Variants in RPEL1 observed in about 807,000 individuals in gnomAD.
The protein encoded by RPEL1 is ribulose-phosphate 3-epimerase-like protein 1.
A neutral mutation model predicts 12.8 loss-of-function variants in RPEL1; 7 were observed. That is an observed-to-expected ratio of 0.55 (90% CI 0.31 to 1.03). The LOEUF (loss-of-function observed/expected upper bound fraction) is 1.03, where lower values mean the gene tolerates loss of function less well. Among genes scored for constraint, RPEL1 ranks in the 50% least tolerant of loss-of-function variants. RPEL1 has a pLI of 0.05. For missense variants in RPEL1, 237 were observed against 289.4 expected (o/e 0.82, Z 1.31); for synonymous variants, 91 against 102.0 (o/e 0.89, Z 0.65).
rs901769851 is a variant in RPEL1 at position 103,247,539 on chromosome 10, T to A, written c.*856T>A. 6.0e-6 allele frequency: 1 copy of A among 167,050 alleles called. No homozygotes were observed. Among genetic ancestry groups the A allele is most frequent in the Non-Finnish European group, 1.5e-5 (1 of 68,116 alleles). 10.3% of individuals were successfully genotyped at this position (167,050 alleles called of 1,614,324 possible). A position where few individuals can be genotyped will look rare whatever the true frequency, so the allele number is the denominator to read the frequency against. ...GAGAATTAAGAGGTAACACTATATA[T>A]GTAAAGTTTCTAGTACTAGTCCCAG... is the stretch of plus-strand genomic sequence containing the variant. On this transcript the variant is annotated 3_prime_UTR_variant, in exon 1 of 1. Coordinates refer to ENST00000441178, the MANE Select transcript of RPEL1 (RefSeq NM_001143909.1).
rs1183885587 is a variant in RPEL1, at chr10:103,246,323, G to T, written c.327G>T (p.Arg109=). The change falls in exon 1 of 1, where the codon CGG becomes CGT. Residue 109 remains arginine (R), a synonymous_variant. Transcript: ENST00000441178. ...ENPGTLIKDI[R]ENGMKVGLAI... ...CAGGGACTTTGATTAAAGACATTCG[G>T]GAGAATGGGATGAAGGTTGGCCTTG... is the stretch of plus-strand genomic sequence containing the variant. 1 of 1,614,176 alleles carries T rather than the reference G, an allele frequency of 6.2e-7. No individual in the cohort carries two copies.
Position 103,246,074 on chromosome 10 carries a change from G to A in RPEL1, c.78G>A (p.Met26Ile), listed in dbSNP as rs2093007496. The change falls in exon 1 of 1, where the codon ATG becomes ATA. Residue 26 changes from methionine to isoleucine, a missense_variant. Met to Ile is a conservative substitution (Grantham distance 10). Coordinates refer to ENST00000441178, the MANE Select transcript of RPEL1 (RefSeq NM_001143909.1). The part of the protein sequence containing the change: ...LANLGAKCLQ[M>I]LDSGADYLHL... ...ATTTAGGGGCCAAGTGCCTCCAGAT[G>A]CTAGACTCTGGGGCCGATTATCTGC... 1 of 1,614,232 alleles carries A rather than the reference G, an allele frequency of 6.2e-7. No homozygotes were observed. The highest frequency in any genetic ancestry group is 8.5e-7 in the Non-Finnish European group (1 of 1,180,038).
At position 103,247,237 on chromosome 10, in the gene RPEL1, G is replaced by C. The variant is rs190262635; in HGVS notation, c.*554G>C. On this transcript the variant is annotated 3_prime_UTR_variant, in exon 1 of 1. Coordinates refer to ENST00000441178, the MANE Select transcript of RPEL1 (RefSeq NM_001143909.1). ...TATAAAAACAATGCGTGAAACCCAGGGGTTCTAAAATACAAGCATAGATTT... is the reference window on the plus strand; with the variant it reads ...TATAAAAACAATGCGTGAAACCCAGCGGTTCTAAAATACAAGCATAGATTT... 5.9e-6 allele frequency: 1 copy of C among 169,882 alleles called. No individual in the cohort carries two copies. The highest frequency in any genetic ancestry group is 1.4e-5 in the Non-Finnish European group (1 of 70,142). 10.5% of individuals were successfully genotyped at this position (169,882 alleles called of 1,614,324 possible). A position where few individuals can be genotyped will look rare whatever the true frequency, so the allele number is the denominator to read the frequency against.
rs551888671 is a variant in RPEL1 at position 103,245,993 on chromosome 10, C to T, written c.-4C>T. On this transcript the variant is annotated 5_prime_UTR_variant, in exon 1 of 1. Coordinates refer to ENST00000441178, the MANE Select transcript of RPEL1 (RefSeq NM_001143909.1). ...GGGGTAACTTGTTCTTGGGAGCCAGCGGTATGGCGTCGGGCTGCAAGATTG... is the reference window on the plus strand; with the variant it reads ...GGGGTAACTTGTTCTTGGGAGCCAGTGGTATGGCGTCGGGCTGCAAGATTG... The T allele has an allele frequency of 1.1e-4, 184 of 1,612,560 alleles. No individual in the cohort carries two copies. In the East Asian group the frequency reaches 2.5e-3, roughly 22 times the overall value.
Position 103,246,500 on chromosome 10 carries a change from A to G in RPEL1, c.504A>G (p.Pro168=), listed in dbSNP as rs2093008484. 4 of 1,614,106 alleles carry G rather than the reference A, an allele frequency of 2.5e-6. No individual in the cohort carries two copies. The highest frequency in any genetic ancestry group is 1.3e-5 in the African/African-American group (1 of 74,946). ...TTCACTGGTTGAGGACCCAGTTCCC[A>G]TCTTTGGATATAGAGGGCGATGGTG... ...PKVHWLRTQF[P]SLDIEGDGGV... The change falls in exon 1 of 1, where the codon CCA becomes CCG. Residue 168 remains proline (P), a synonymous_variant. Coordinates refer to ENST00000441178, the MANE Select transcript of RPEL1 (RefSeq NM_001143909.1).
Position 103,247,196 on chromosome 10 carries a change from C to T in RPEL1, c.*513C>T, listed in dbSNP as rs1222182766. On this transcript the variant is annotated 3_prime_UTR_variant, in exon 1 of 1. Coordinates refer to ENST00000441178, the MANE Select transcript of RPEL1 (RefSeq NM_001143909.1). ...AAAATCTATCACTTTTCACCTTACA[C>T]TTAATGTGTAAAAACTATAAAAACA... is the stretch of plus-strand genomic sequence containing the variant. The T allele has an allele frequency of 1.1e-5, 2 of 174,130 alleles. No homozygotes were observed. Among genetic ancestry groups the T allele is most frequent in the Non-Finnish European group, 1.4e-5 (1 of 72,574 alleles). 10.8% of individuals were successfully genotyped at this position (174,130 alleles called of 1,614,324 possible).
In RPEL1 at chr10:103,247,678, A is replaced by G. The variant is rs2093010452; in HGVS notation, c.*995A>G. On this transcript the variant is annotated 3_prime_UTR_variant, in exon 1 of 1. Transcript: ENST00000441178. ...AATCTGTAAATCACCTCTATAAGTA[A>G]GTGGTAATAATAAAGCAGATATTTT... 1.2e-5 allele frequency: 2 copies of G among 166,234 alleles called. No individual in the cohort carries two copies. Among genetic ancestry groups the G allele is most frequent in the South Asian group, 2.1e-4 (1 of 4,806 alleles). 10.3% of individuals were successfully genotyped at this position (166,234 alleles called of 1,614,324 possible). A position where few individuals can be genotyped will look rare whatever the true frequency, so the allele number is the denominator to read the frequency against.
rs151106404 is a variant in RPEL1, at chr10:103,246,156, G to A, written c.160G>A (p.Val54Ile). The A allele has an allele frequency of 2.0e-4, 328 of 1,614,214 alleles. 4 individuals carry two copies. The East Asian group carries it at 6.3e-3, about 31-fold the overall frequency. ...VPNITFGHPVVESLRKQLGQD... is the reference protein window; with the variant it reads ...VPNITFGHPVIESLRKQLGQD... ...CAACATCACCTTTGGTCACCCTGTGGTAGAAAGCCTTCGAAAGCAGCTAGG... is the reference window on the plus strand; with the variant it reads ...CAACATCACCTTTGGTCACCCTGTGATAGAAAGCCTTCGAAAGCAGCTAGG... The change falls in exon 1 of 1, where the codon GTA (valine) becomes ATA (isoleucine). Residue 54 changes from valine (V) to isoleucine (I), a missense_variant. By Grantham distance (29) the Val-to-Ile change is conservative. Transcript: ENST00000441178.
At position 103,246,593 on chromosome 10, in the gene RPEL1, T is replaced by C. The variant is rs181669433; in HGVS notation, c.597T>C (p.Ala199=). Reference sequence around the variant, plus strand: ...CTAACATGACTGTATCTGGCAGTGCTATTATGAGGAGTGAAGACCCCAGAT... The same window carrying C: ...CTAACATGACTGTATCTGGCAGTGCCATTATGAGGAGTGAAGACCCCAGAT... The part of the protein sequence containing the change: ...AGANMTVSGS[A]IMRSEDPRSV... The change falls in exon 1 of 1, where the codon GCT becomes GCC. Residue 199 remains alanine (A), a synonymous_variant. Coordinates refer to ENST00000441178, the MANE Select transcript of RPEL1 (RefSeq NM_001143909.1). 37 of 1,614,196 alleles carry C rather than the reference T, an allele frequency of 2.3e-5. No homozygotes were observed. The African/African-American group carries it at 4.1e-4, about 18-fold the overall frequency.
In RPEL1 at chr10:103,246,452, CATGGAAGATATG is replaced by C. The variant is rs2093008372; in HGVS notation, c.460_471del (p.Glu154_Met157del). 1 of 1,614,066 alleles carries C rather than the reference CATGGAAGATATG, an allele frequency of 6.2e-7. No individual in the cohort carries two copies. The highest frequency in any genetic ancestry group is 8.5e-7 in the Non-Finnish European group (1 of 1,180,050). On this transcript the variant is annotated inframe_deletion, in exon 1 of 1. Coordinates refer to ENST00000441178, the MANE Select transcript of RPEL1 (RefSeq NM_001143909.1). Reference sequence around the variant, plus strand: ...AACCGGGGTTTGGAGAGCAGAAATTCATGGAAGATATGATGCCAAAGGTTCACTGGTTGAGGA... The same window carrying C: ...AACCGGGGTTTGGAGAGCAGAAATTCATGCCAAAGGTTCACTGGTTGAGGA...
rs866054308 is a variant in RPEL1, at chr10:103,245,941, T to A, written c.-56T>A. 6 of 1,490,348 alleles carry A rather than the reference T, an allele frequency of 4.0e-6. No homozygotes were observed. The highest frequency in any genetic ancestry group is 2.4e-5 in the East Asian group (1 of 41,912). 92.3% of individuals were successfully genotyped at this position (1,490,348 alleles called of 1,614,324 possible). A position where few individuals can be genotyped will look rare whatever the true frequency, so the allele number is the denominator to read the frequency against. ...TTCCTGGTTTTAAAAAAAAAAAAAGTGGGCTCTAGTCTTGCCGGGGACTCG... is the reference window on the plus strand; with the variant it reads ...TTCCTGGTTTTAAAAAAAAAAAAAGAGGGCTCTAGTCTTGCCGGGGACTCG... On this transcript the variant is annotated 5_prime_UTR_variant, in exon 1 of 1. Coordinates refer to ENST00000441178, the MANE Select transcript of RPEL1 (RefSeq NM_001143909.1).
Position 103,245,949 on chromosome 10 carries a change from AG to A in RPEL1, c.-47del. 6.3e-7 allele frequency: 1 copy of A among 1,590,072 alleles called. No individual in the cohort carries two copies. Among genetic ancestry groups the A allele is most frequent in the Non-Finnish European group, 8.5e-7 (1 of 1,169,970 alleles). ...TTTAAAAAAAAAAAAAGTGGGCTCT[AG>A]TCTTGCCGGGGACTCGTGGGGTAAC... On this transcript the variant is annotated 5_prime_UTR_variant, in exon 1 of 1. Transcript: ENST00000441178.
At position 103,246,914 on chromosome 10, in the gene RPEL1, A is replaced by G. The variant is rs1338388053; in HGVS notation, c.*231A>G. The G allele has an allele frequency of 3.4e-6, 2 of 593,982 alleles. No homozygotes were observed. The highest frequency in any genetic ancestry group is 6.7e-5 in the Admixed American group (2 of 29,860). 36.8% of individuals were successfully genotyped at this position (593,982 alleles called of 1,614,324 possible). A position where few individuals can be genotyped will look rare whatever the true frequency, so the allele number is the denominator to read the frequency against. ...GATTAGTGAGTAAGATACTGTTTTT[A>G]TTGAGAGACTTGATTTTTATAAAGA... On this transcript the variant is annotated 3_prime_UTR_variant, in exon 1 of 1. Transcript: ENST00000441178.
chr10:103,247,487 T>C lies in RPEL1; in HGVS notation c.*804T>C, dbSNP rs1400882766. On this transcript the variant is annotated 3_prime_UTR_variant, in exon 1 of 1. Transcript: ENST00000441178. Reference sequence around the variant, plus strand: ...TCTGAAGTCATTTATACATTAAATGTAATTATAACAACTGTGGGGTTGTGT... The same window carrying C: ...TCTGAAGTCATTTATACATTAAATGCAATTATAACAACTGTGGGGTTGTGT... 1 of 167,084 alleles carries C rather than the reference T, an allele frequency of 6.0e-6. No individual in the cohort carries two copies. The highest frequency in any genetic ancestry group is 2.4e-5 in the African/African-American group (1 of 41,466). 10.4% of individuals were successfully genotyped at this position (167,084 alleles called of 1,614,324 possible).
rs1254139659 is a variant in RPEL1, at chr10:103,246,867, A to AT, written c.*189dup. ...GTCAGAAATTGGTGTGTATAACTAC[A>AT]TTTTTAGTGATGCAATTTAATGATT... On this transcript the variant is annotated 3_prime_UTR_variant, in exon 1 of 1. Coordinates refer to ENST00000441178, the MANE Select transcript of RPEL1 (RefSeq NM_001143909.1). 2.8e-6 allele frequency: 2 copies of AT among 721,592 alleles called. No individual in the cohort carries two copies. Among genetic ancestry groups the AT allele is most frequent in the Non-Finnish European group, 4.6e-6 (2 of 439,350 alleles). The allele number at this position is 721,592 out of a possible 1,614,324, so 44.7% of individuals were successfully genotyped here. A position where few individuals can be genotyped will look rare whatever the true frequency, so the allele number is the denominator to read the frequency against.
rs2093010843 is a variant in RPEL1 at position 103,247,909 on chromosome 10, T to A, written c.*1226T>A. On this transcript the variant is annotated 3_prime_UTR_variant, in exon 1 of 1. Coordinates refer to ENST00000441178, the MANE Select transcript of RPEL1 (RefSeq NM_001143909.1). Reference sequence around the variant, plus strand: ...TACTGCAAATGAGATACTATCTTAATTTACAGTTGACAAAAACTGAGTCTC... The same window carrying A: ...TACTGCAAATGAGATACTATCTTAAATTACAGTTGACAAAAACTGAGTCTC... 1 of 166,988 alleles carries A rather than the reference T, an allele frequency of 6.0e-6. No individual in the cohort carries two copies. 10.3% of individuals were successfully genotyped at this position (166,988 alleles called of 1,614,324 possible). A position where few individuals can be genotyped will look rare whatever the true frequency, so the allele number is the denominator to read the frequency against.
In RPEL1 at chr10:103,245,898, G is replaced by A; in HGVS notation, c.-99G>A. 2 of 1,491,122 alleles carry A rather than the reference G, an allele frequency of 1.3e-6. No individual in the cohort carries two copies. Among genetic ancestry groups the A allele is most frequent in the South Asian group, 2.7e-5 (2 of 73,782 alleles). The allele number at this position is 1,491,122 out of a possible 1,614,324, so 92.4% of individuals were successfully genotyped here. On this transcript the variant is annotated 5_prime_UTR_variant, in exon 1 of 1. In the 5' UTR this introduces an upstream ATG that the reference lacks. Transcript: ENST00000441178. The stretch of plus-strand genomic sequence containing the variant: ...ATGAGCCACTGTGCCTGGCCAAACT[G>A]TGGTTCTTTGGTAGAATTTCCTGGT...
chr10:103,246,885 T>A lies in RPEL1; in HGVS notation c.*202T>A, dbSNP rs756435660. On this transcript the variant is annotated 3_prime_UTR_variant, in exon 1 of 1. Transcript: ENST00000441178. Reference sequence around the variant, plus strand: ...TAACTACATTTTTAGTGATGCAATTTAATGATTAGTGAGTAAGATACTGTT... The same window carrying A: ...TAACTACATTTTTAGTGATGCAATTAAATGATTAGTGAGTAAGATACTGTT... 15 of 659,296 alleles carry A rather than the reference T, an allele frequency of 2.3e-5. No individual in the cohort carries two copies. Among genetic ancestry groups the A allele is most frequent in the Non-Finnish European group, 3.1e-5 (12 of 383,754 alleles). 40.8% of individuals were successfully genotyped at this position (659,296 alleles called of 1,614,324 possible). A position where few individuals can be genotyped will look rare whatever the true frequency, so the allele number is the denominator to read the frequency against.
In RPEL1 at chr10:103,246,670, C is replaced by A; in HGVS notation, c.674C>A (p.Ser225Tyr). The change falls in exon 1 of 1, where the codon TCT (serine) becomes TAT (tyrosine). Residue 225 changes from serine to tyrosine, a missense_variant. Ser to Tyr is a moderately radical substitution (Grantham distance 144). Transcript: ENST00000441178. ...TGCTCAGAAGCTGCTCAGAAACGTT[C>A]TCTTGATCGATGAAACCATAAGGAG... ...NICSEAAQKRSLDR is the reference protein window; with the variant it reads ...NICSEAAQKRYLDR 6.2e-7 allele frequency: 1 copy of A among 1,612,796 alleles called. No homozygotes were observed. The highest frequency in any genetic ancestry group is 8.5e-7 in the Non-Finnish European group (1 of 1,179,248).
Sources: gnomAD v4.1 joint callset for allele counts on GRCh38, gnomAD v4.1.1 for gene constraint, MANE v1.5 for transcripts, NCBI Gene and HGNC (gene_info 2026-07-23, HGNC 2026-07-21) for gene names.